FRAS1: variants seen among roughly 807,000 people sequenced by gnomAD.
FRAS1 encodes Fraser extracellular matrix complex subunit 1, also known as extracellular matrix organizing protein FRAS1.
A neutral mutation model predicts 435.2 loss-of-function variants in FRAS1; 290 were observed. That is an observed-to-expected ratio of 0.67 (90% confidence interval 0.61 to 0.73). FRAS1 has a LOEUF of 0.73. Among genes scored for constraint, FRAS1 ranks in the 30% least tolerant of loss-of-function variants. The pLI is 0.00. For missense variants in FRAS1, 4,860 were observed against 5,001.5 expected (o/e 0.97, Z 0.85); for synonymous variants, 1,800 against 1,851.0 (o/e 0.97, Z 0.71).
intron 18 of FRAS1, among the ~76,000 whole-genome samples, chr4:78,320,050 C>T (rs773723976): frequency 4.6e-5 from 7 of 152,182 alleles, no homozygotes; most frequent in Non-Finnish European, 4.4e-5. Flanking sequence ...CCTCCTGCTC[C>T]GTGGGTGCAA....
At chr4:78,282,226 G>T (rs1317104613) in intron 11 of FRAS1, among the ~76,000 whole-genome samples, 1 of 152,124 alleles carries the variant, frequency 6.6e-6, no homozygotes, top group Non-Finnish European at 1.5e-5. Flanking sequence ...TGGGTTCTCT[G>T]CCGACTACTA....
At chr4:78,184,509 T>A (rs1174789800) in intron 2 of FRAS1, among the ~76,000 whole-genome samples, 5 of 152,360 alleles carry the variant, frequency 3.3e-5, no homozygotes, top group South Asian at 4.1e-4. Context: ...GCCCACAGGC[T>A]ATAGTCTGTC....
At chr4:78,334,518 G>A (rs182895514) in intron 19 of FRAS1, among the ~76,000 whole-genome samples, 542 of 151,110 alleles carry the variant, frequency 3.6e-3, no homozygotes, top group Non-Finnish European at 5.7e-3. Context: ...TTACAAGTGC[G>A]TGCCACCACA....
chr4:78,280,757 T>C (rs1424522773), intron 10 of FRAS1, among the ~76,000 whole-genome samples: 1 of 152,186 alleles, frequency 6.6e-6, no homozygotes, highest in Non-Finnish European at 1.5e-5. Flanking sequence ...AAACTAGCGA[T>C]AACAATAGGA....
chr4:78,077,751 A>G (rs1286921733), intron 2 of FRAS1, among the ~76,000 whole-genome samples: 1 of 152,218 alleles, frequency 6.6e-6, no homozygotes, highest in East Asian at 1.9e-4. Flanking sequence ...TAAAAAGGGT[A>G]AACAGTAGTG....
At chr4:78,296,053 A>G (rs1008214482) in intron 14 of FRAS1, among the ~76,000 whole-genome samples, 1 of 151,868 alleles carries the variant, frequency 6.6e-6, no homozygotes, top group African/African-American at 2.4e-5. Context: ...AAACTCAGCC[A>G]GATATTTCCT....
intron 34 of FRAS1, among the ~76,000 whole-genome samples, chr4:78,422,513 T>C (rs1240884631): frequency 1.3e-5 from 2 of 152,054 alleles, no homozygotes; most frequent in African/African-American, 4.8e-5. Context: ...AGTGTATGTA[T>C]TTGGATGGTC....
chr4:78,449,489 T>C (rs1246010227), intron 44 of FRAS1, among the ~76,000 whole-genome samples: 1 of 152,202 alleles, frequency 6.6e-6, no homozygotes, highest in Non-Finnish European at 1.5e-5. Context: ...TATGCATGAA[T>C]AACTAGGCTC....
chr4:78,436,947 A>G (rs1734453561), intron 38 of FRAS1, among the ~76,000 whole-genome samples: 2 of 152,188 alleles, frequency 1.3e-5, no homozygotes, highest in Admixed American at 1.3e-4. Context: ...TAATGAAAAG[A>G]AAATGAAAAA....
At chr4:78,098,873 A>T (rs971517650) in intron 2 of FRAS1, among the ~76,000 whole-genome samples, 1 of 152,172 alleles carries the variant, frequency 6.6e-6, no homozygotes, top group African/African-American at 2.4e-5. Context: ...GCCCAAATGA[A>T]TCTCTTTTGG....
intron 29 of FRAS1, among the ~76,000 whole-genome samples, chr4:78,388,347 C>CA (rs940252053): frequency 7.4e-5 from 10 of 135,532 alleles, no homozygotes; most frequent in African/African-American, 1.4e-4. Flanking sequence ...AAAAAAAAAA[C>CA]AAAAAAAACC....
At chr4:78,376,005 G>C (rs184509741) in intron 26 of FRAS1, 126 bp downstream of exon 26, 128 of 1,071,904 alleles carry the variant, frequency 1.2e-4, no homozygotes, top group Non-Finnish European at 1.7e-4. Context: ...GAAAACCCAT[G>C]GTGCTACTAA....
intron 2 of FRAS1, among the ~76,000 whole-genome samples, chr4:78,219,706 G>A (rs77774103): frequency 0.019 from 2,949 of 152,232 alleles, 52 homozygotes; most frequent in Non-Finnish European, 0.032. Flanking sequence ...AAGATGTCAG[G>A]ATAAGTAATT....
intron 5 of FRAS1, 35 bp from the exon 6 acceptor site, chr4:78,255,206 AT>A (rs746977535): frequency 1.9e-6 from 3 of 1,550,370 alleles, no homozygotes; most frequent in East Asian, 2.4e-5. Flanking sequence ...AACAAATGCC[AT>A]CCCCCTAGTA....
At chr4:78,171,460 A>AT (rs1721555062) in intron 2 of FRAS1, among the ~76,000 whole-genome samples, 1 of 152,000 alleles carries the variant, frequency 6.6e-6, no homozygotes, top group Non-Finnish European at 1.5e-5. Context: ...ATCATATACT[A>AT]TGCTTAGAAT....
At chr4:78,304,147 C>T (rs1453967644) in intron 14 of FRAS1, among the ~76,000 whole-genome samples, 1 of 149,420 alleles carries the variant, frequency 6.7e-6, no homozygotes, top group Admixed American at 6.7e-5. Flanking sequence ...TGTTTATATG[C>T]TGGATTACAT....
chr4:78,076,353 CACCATCCT>C (rs1165995019), intron 2 of FRAS1, among the ~76,000 whole-genome samples: 1 of 152,144 alleles, frequency 6.6e-6, no homozygotes, highest in Non-Finnish European at 1.5e-5. Flanking sequence ...TGATCCTCCC[CACCATCCT>C]GAGGTGGTGA....
intron 2 of FRAS1, among the ~76,000 whole-genome samples, chr4:78,147,614 T>C (rs1578152489): frequency 6.6e-6 from 1 of 152,204 alleles, no homozygotes; most frequent in East Asian, 1.9e-4. Context: ...GAGTGGAGAC[T>C]GTCCAACAAG....
At chr4:78,392,965 C>G (rs1241155420) in intron 29 of FRAS1, among the ~76,000 whole-genome samples, 2 of 150,596 alleles carry the variant, frequency 1.3e-5, no homozygotes, top group African/African-American at 4.9e-5. Context: ...CAATAAGAAA[C>G]AAACATGTTC....
Sources: allele counts gnomAD v4.1 joint callset (sites outside exome capture counted in the v4.1 genomes callset), GRCh38; gene constraint gnomAD v4.1.1; transcripts MANE v1.5; gene names NCBI Gene and HGNC (gene_info 2026-07-23, HGNC 2026-07-21).